TMTC4: variants seen among roughly 807,000 people sequenced by gnomAD.
TMTC4 encodes the protein transmembrane O-mannosyltransferase targeting cadherins 4, also known as protein O-mannosyl-transferase TMTC4.
TMTC4 carries 65 observed loss-of-function variants against 86.0 expected under a neutral mutation model. The observed-to-expected ratio is 0.76, with a 90% confidence interval of 0.62 to 0.93. The LOEUF is 0.93. Among genes scored for constraint, TMTC4 ranks in the 40% least tolerant of loss-of-function variants. The pLI is 0.00. For missense variants in TMTC4, 866 were observed against 948.1 expected (o/e 0.91, Z 1.14); for synonymous variants, 379 against 382.5 (o/e 0.99, Z 0.11).
At chr13:100,647,776 C>T (rs1158301245) in intron 6 of TMTC4, among the ~76,000 whole-genome samples, 1 of 152,164 alleles carries the variant, frequency 6.6e-6, no homozygotes, top group Non-Finnish European at 1.5e-5. Context: ...TAGAATTCCT[C>T]TAGATAAGAA....
At position 100,618,719 on chromosome 13, in the gene TMTC4, T is replaced by C. The variant is rs369887724; in HGVS notation, c.1837-4289A>G. Among the ~76,000 whole-genome samples, 14 of 152,304 alleles carry C rather than the reference T, an allele frequency of 9.2e-5. 1 individual carries two copies. In the East Asian group the frequency reaches 2.3e-3, roughly 25 times the overall value. On this transcript the variant is annotated intron_variant, in intron 15 of 18. Transcript: ENST00000342624. ...AACGAGCATGCTGCCTTCAAACATC[T>C]GTTTAACAAAGCACATCTTGCACCG...
Position 100,670,498 on chromosome 13 carries a change from T to A in TMTC4, c.-136A>T. On this transcript the variant is annotated 5_prime_UTR_variant, in exon 2 of 19. Transcript: ENST00000342624. ...TGGCATACGGCATGCTCTCAGCAAG[T>A]GCTGGGGGAATACTGCAGCTACTTT... is the stretch of plus-strand genomic sequence containing the variant. 1 of 803,166 alleles carries A rather than the reference T, an allele frequency of 1.2e-6. No individual in the cohort carries two copies. Among genetic ancestry groups the A allele is most frequent in the Non-Finnish European group, 1.9e-6 (1 of 531,848 alleles). The allele number at this position is 803,166 out of a possible 1,614,324, so 49.8% of individuals were successfully genotyped here.
chr13:100,642,156 A>G, intron 7 of TMTC4, 55 bp downstream of exon 7: 1 of 1,580,574 alleles, frequency 6.3e-7, no homozygotes, highest in Non-Finnish European at 8.7e-7. Context: ...ATGTCTTTAT[A>G]GGAGGGAAAA....
intron 15 of TMTC4, among the ~76,000 whole-genome samples, chr13:100,619,145 C>T (rs1191901337): frequency 2.1e-5 from 3 of 145,202 alleles, no homozygotes; most frequent in South Asian, 2.3e-4. Flanking sequence ...CCCTCCCGGA[C>T]GGGGCGACTG....
At position 100,656,408 on chromosome 13, in the gene TMTC4, G is replaced by C; in HGVS notation, c.613C>G (p.Leu205Val). The C allele has an allele frequency of 6.2e-7, 1 of 1,613,132 alleles. No homozygotes were observed. The highest frequency in any genetic ancestry group is 1.1e-5 in the South Asian group (1 of 90,874). ...LCALFFLLSF[L>V]GYCKAFRESN... ...TCTCTAAATGCTTTACAGTAGCCAAGGAAAGATAACAAGAAGAACAGGGCA... is the reference window on the plus strand; with the variant it reads ...TCTCTAAATGCTTTACAGTAGCCAACGAAAGATAACAAGAAGAACAGGGCA... The change falls in exon 6 of 19, where the codon CTT (leucine) becomes GTT (valine). Residue 205 changes from leucine to valine, a missense_variant. Leu to Val is a conservative substitution (Grantham distance 32). Transcript: ENST00000342624.
In TMTC4 at chr13:100,674,746, G is replaced by A; in HGVS notation, c.-210C>T. ...GCAGGGGCCGCCCCGCGCGTTACCTGCAAGGAGCCTGAGCCCCGGCCGCAT... is the reference window on the plus strand; with the variant it reads ...GCAGGGGCCGCCCCGCGCGTTACCTACAAGGAGCCTGAGCCCCGGCCGCAT... On this transcript the variant is annotated splice_region_variant and 5_prime_UTR_variant, in exon 1 of 19. Coordinates refer to ENST00000342624, the MANE Select transcript of TMTC4 (RefSeq NM_032813.5). The A allele has an allele frequency of 3.0e-6, 3 of 983,798 alleles. No homozygotes were observed. The highest frequency in any genetic ancestry group is 3.6e-6 in the Non-Finnish European group (3 of 829,332). 60.9% of individuals were successfully genotyped at this position (983,798 alleles called of 1,614,324 possible). A position where few individuals can be genotyped will look rare whatever the true frequency, so the allele number is the denominator to read the frequency against.
intron 6 of TMTC4, among the ~76,000 whole-genome samples, chr13:100,650,303 G>C (rs1884270407): frequency 6.6e-6 from 1 of 152,222 alleles, no homozygotes; most frequent in Non-Finnish European, 1.5e-5. Context: ...AAGGCTAATG[G>C]AGTGAAGGGG....
At chr13:100,632,807 C>T (rs753797363) in intron 12 of TMTC4, among the ~76,000 whole-genome samples, 3 of 152,084 alleles carry the variant, frequency 2.0e-5, no homozygotes, top group Admixed American at 1.3e-4. Context: ...TGAAACAGAT[C>T]CAGAGAGCTC....
intron 1 of TMTC4, among the ~76,000 whole-genome samples, chr13:100,672,399 T>C (rs1404791454): frequency 2.0e-5 from 3 of 152,240 alleles, no homozygotes; most frequent in East Asian, 3.9e-4. Flanking sequence ...AAACGACTTC[T>C]GTTCCTCAAT....
chr13:100,606,187 T>C (rs948706786), intron 18 of TMTC4, among the ~76,000 whole-genome samples, 171 bp downstream of exon 18: 1 of 152,218 alleles, frequency 6.6e-6, no homozygotes, highest in Non-Finnish European at 1.5e-5. Context: ...CAATTGAGAT[T>C]TGTAAGTGTG....
chr13:100,654,159 T>G (rs568128039), intron 6 of TMTC4, among the ~76,000 whole-genome samples: 46 of 152,320 alleles, frequency 3.0e-4, no homozygotes, highest in African/African-American at 9.4e-4. Context: ...CTGCCCCAAG[T>G]AACTTCAACC....
At chr13:100,674,557 C>G in intron 1 of TMTC4, 187 bp downstream of exon 1, 1 of 982,428 alleles carries the variant, frequency 1.0e-6, no homozygotes, top group South Asian at 4.7e-5. Context: ...GGGCCCGCGT[C>G]CCCCGTGACC....
Position 100,656,374 on chromosome 13 carries a change from T to A in TMTC4, c.640+7A>T. 1 of 1,609,296 alleles carries A rather than the reference T, an allele frequency of 6.2e-7. No individual in the cohort carries two copies. The highest frequency in any genetic ancestry group is 8.5e-7 in the Non-Finnish European group (1 of 1,178,284). On this transcript the variant is annotated splice_region_variant and intron_variant, in intron 6 of 18. Coordinates refer to ENST00000342624, the MANE Select transcript of TMTC4 (RefSeq NM_032813.5). ...TGGAAAATTAAGAAGGCAAACAGAA[T>A]GCTTACTTTCTCTAAATGCTTTACA...
In TMTC4 at chr13:100,604,660, C is replaced by A. The variant is rs963508075; in HGVS notation, c.*334G>T. ...AAGTTTAATAGTGCTAGTCCATACA[C>A]GACAAGGCTCAGATCCCAAATGTAA... On this transcript the variant is annotated 3_prime_UTR_variant, in exon 19 of 19. Coordinates refer to ENST00000342624, the MANE Select transcript of TMTC4 (RefSeq NM_032813.5). 1.5e-4 allele frequency: 29 copies of A among 194,182 alleles called. No homozygotes were observed. The highest frequency in any genetic ancestry group is 6.9e-4 in the African/African-American group (29 of 42,292). The allele number at this position is 194,182 out of a possible 1,614,324, so 12.0% of individuals were successfully genotyped here. A position where few individuals can be genotyped will look rare whatever the true frequency, so the allele number is the denominator to read the frequency against.
chr13:100,651,000 G>T lies in TMTC4; in HGVS notation c.640+5381C>A, dbSNP rs188618123. 7.8e-4 allele frequency among the ~76,000 whole-genome samples: 119 copies of T among 152,288 alleles called. No individual in the cohort carries two copies. In the Middle Eastern group the frequency reaches 0.014, roughly 17 times the overall value. On this transcript the variant is annotated intron_variant, in intron 6 of 18. Transcript: ENST00000342624. ...AGCTATAGAACTACACAGCTTAAGG[G>T]GAGCTATATAGCTTAAGAACAATGG...
chr13:100,606,425 T>C lies in TMTC4; in HGVS notation c.2067A>G (p.Glu689=). 1 of 1,611,328 alleles carries C rather than the reference T, an allele frequency of 6.2e-7. No homozygotes were observed. Among genetic ancestry groups the C allele is most frequent in the Non-Finnish European group, 8.5e-7 (1 of 1,178,776 alleles). Reference sequence around the variant, plus strand: ...TTGCCTTGAGGAATAAAGCTTCAGATTCCTAAAAAATGAGAAACATAAAAA... The same window carrying C: ...TTGCCTTGAGGAATAAAGCTTCAGACTCCTAAAAAATGAGAAACATAAAAA... ...NVLGKSQKYK[E]SEALFLKAIK... The change falls in exon 18 of 19, where the codon GAA becomes GAG. Residue 689 remains glutamate (E), a splice_region_variant and synonymous_variant. Transcript: ENST00000342624.
intron 12 of TMTC4, among the ~76,000 whole-genome samples, chr13:100,629,390 G>C (rs1881009355): frequency 6.6e-6 from 1 of 152,122 alleles, no homozygotes; most frequent in Non-Finnish European, 1.5e-5. Context: ...GTTGCGTGCT[G>C]TGTGATCGCG....
intron 5 of TMTC4, among the ~76,000 whole-genome samples, chr13:100,656,688 C>T (rs1365707140): frequency 6.6e-6 from 1 of 151,726 alleles, no homozygotes; most frequent in Non-Finnish European, 1.5e-5. Flanking sequence ...GGAGCAGAGG[C>T]GCACACCACC....
intron 15 of TMTC4, among the ~76,000 whole-genome samples, chr13:100,620,949 A>C (rs960157261): frequency 1.3e-5 from 2 of 152,254 alleles, no homozygotes; most frequent in African/African-American, 2.4e-5. Flanking sequence ...TTAAGCTGTC[A>C]AAGAGGAAAA....
Sources: gnomAD v4.1 joint callset for allele counts (sites outside exome capture counted in the v4.1 genomes callset) on GRCh38, gnomAD v4.1.1 for gene constraint, MANE v1.5 for transcripts, NCBI Gene and HGNC (gene_info 2026-07-23, HGNC 2026-07-21) for gene names.